The following TMCO4 variants were observed in gnomAD, a reference collection of about 807,000 sequenced individuals.
TMCO4 encodes transmembrane and coiled-coil domain-containing protein 4.
A neutral mutation model predicts 64.7 loss-of-function variants in TMCO4; 58 were observed. The ratio of observed to expected loss-of-function variants is 0.90; its 90% CI spans 0.73 to 1.12. TMCO4 has a LOEUF of 1.12. Among genes scored for constraint, TMCO4 ranks in the 50% most tolerant of loss-of-function variants. TMCO4 has a pLI of 0.00. For synonymous variants in TMCO4, 325 were observed against 346.1 expected, an observed-to-expected ratio of 0.94 and a Z score of 0.68; for missense variants, 780 against 825.9, an observed-to-expected ratio of 0.94 and a Z score of 0.68.
intron 13 of TMCO4, among the ~76,000 whole-genome samples, chr1:19,727,209 C>T (rs181785935): frequency 3.3e-5 from 5 of 152,278 alleles, no homozygotes; most frequent in East Asian, 3.9e-4. Context: ...CAAGTGCTCT[C>T]GGGTTTGGAG....
At chr1:19,727,975 G>C (rs568148824) in intron 13 of TMCO4, among the ~76,000 whole-genome samples, 1 of 152,236 alleles carries the variant, frequency 6.6e-6, no homozygotes, top group South Asian at 2.1e-4. Flanking sequence ...AATACCATAC[G>C]TTCTCATTTA....
At chr1:19,759,497 T>A (rs1194124957) in intron 6 of TMCO4, among the ~76,000 whole-genome samples, 5 of 152,210 alleles carry the variant, frequency 3.3e-5, no homozygotes, top group African/African-American at 4.8e-5. Context: ...TCTGCAAGAC[T>A]GCACATTATC....
chr1:19,705,665 G>A (rs2095299203), intron 13 of TMCO4, among the ~76,000 whole-genome samples: 1 of 152,008 alleles, frequency 6.6e-6, no homozygotes, highest in Non-Finnish European at 1.5e-5. Context: ...CCCACCCAAG[G>A]TAGATATGGA....
At chr1:19,737,981 T>C (rs747650747) in intron 12 of TMCO4, among the ~76,000 whole-genome samples, 2 of 152,102 alleles carry the variant, frequency 1.3e-5, no homozygotes, top group African/African-American at 2.4e-5. Context: ...TAAGATAAGG[T>C]AGTAAGTCAG....
intron 15 of TMCO4, among the ~76,000 whole-genome samples, chr1:19,684,167 C>T (rs1372594569): frequency 1.4e-5 from 2 of 147,492 alleles, no homozygotes; most frequent in Admixed American, 1.4e-4. Flanking sequence ...GGTTCTCTCT[C>T]TCTCGTCCAG....
chr1:19,797,700 A>G (rs1330123964), intron 2 of TMCO4, among the ~76,000 whole-genome samples: 1 of 151,950 alleles, frequency 6.6e-6, no homozygotes, highest in Non-Finnish European at 1.5e-5. Flanking sequence ...CCCCATCTCT[A>G]CTAAAATACA....
intron 15 of TMCO4, among the ~76,000 whole-genome samples, chr1:19,685,331 A>AAAAC (rs10638588): frequency 0.8 from 121,038 of 151,466 alleles, 48,816 homozygotes; most frequent in African/African-American, 0.87. Context: ...GTCTCCAGAA[A>AAAAC]AAACAAACAG....
chr1:19,708,161 A>G (rs1186531615), intron 13 of TMCO4, among the ~76,000 whole-genome samples: 2 of 152,262 alleles, frequency 1.3e-5, no homozygotes, highest in African/African-American at 2.4e-5. Flanking sequence ...AGGGAAGCCT[A>G]CGATGGTACT....
chr1:19,715,042 G>T (rs1210696075), intron 13 of TMCO4, among the ~76,000 whole-genome samples: 1 of 152,054 alleles, frequency 6.6e-6, no homozygotes, highest in East Asian at 1.9e-4. Context: ...AGGAGCATGA[G>T]ACCAGCCTGG....
intron 4 of TMCO4, among the ~76,000 whole-genome samples, chr1:19,775,383 G>A (rs1245446553): frequency 6.6e-6 from 1 of 152,154 alleles, no homozygotes; most frequent in African/African-American, 2.4e-5. Context: ...GGCCAGGACT[G>A]CTGGTTAAAT....
rs928761639 is a variant in TMCO4 at position 19,788,864 on chromosome 1, A to G, written c.-100-1747T>C. ...GCCGAGGCAGGTGGATCAGGAGGTCAGGAGATCAAGACCATCCTGGCTAAC... is the reference window on the plus strand; with the variant it reads ...GCCGAGGCAGGTGGATCAGGAGGTCGGGAGATCAAGACCATCCTGGCTAAC... On this transcript the variant is annotated intron_variant, in intron 2 of 15. Transcript: ENST00000294543. Among the ~76,000 whole-genome samples the G allele has an allele frequency of 1.3e-5, 2 of 151,762 alleles. 1 individual carries two copies. Among genetic ancestry groups the G allele is most frequent in the African/African-American group, 4.8e-5 (2 of 41,318 alleles).
chr1:19,763,522 T>C (rs908474293), intron 6 of TMCO4, among the ~76,000 whole-genome samples: 1 of 152,182 alleles, frequency 6.6e-6, no homozygotes, highest in African/African-American at 2.4e-5. Context: ...TCCTCCTTCC[T>C]GTACCTGTTA....
intron 13 of TMCO4, among the ~76,000 whole-genome samples, chr1:19,709,286 CGGG>C (rs59600503): frequency 0.015 from 1,891 of 125,904 alleles, 36 homozygotes; most frequent in African/African-American, 0.052. Flanking sequence ...AACATCCCGG[CGGG>C]GGGGGGGGAC....
At chr1:19,699,610 G>A (rs1303220475) in intron 14 of TMCO4, among the ~76,000 whole-genome samples, 2 of 151,898 alleles carry the variant, frequency 1.3e-5, no homozygotes, top group African/African-American at 4.8e-5. Flanking sequence ...CTGGAGTACA[G>A]TGGTGCGATC....
intron 15 of TMCO4, among the ~76,000 whole-genome samples, chr1:19,694,028 G>T (rs560961240): frequency 3.9e-5 from 6 of 152,204 alleles, no homozygotes; most frequent in African/African-American, 1.4e-4. Context: ...TAGAGACAGG[G>T]TTGTGCTCTG....
chr1:19,767,213 T>C (rs2042775397), intron 6 of TMCO4, among the ~76,000 whole-genome samples: 1 of 152,206 alleles, frequency 6.6e-6, no homozygotes, highest in African/African-American at 2.4e-5. Context: ...ACTTCACTTC[T>C]ATGGGCCTCG....
chr1:19,736,125 G>T (rs1026173047), intron 13 of TMCO4, among the ~76,000 whole-genome samples: 2 of 152,174 alleles, frequency 1.3e-5, no homozygotes, highest in African/African-American at 4.8e-5. Flanking sequence ...TGCTGCTTTT[G>T]GCCACCGTGT....
chr1:19,771,173 CATGAT>C (rs778672428), intron 5 of TMCO4, 130 bp downstream of exon 5: 1 of 944,708 alleles, frequency 1.1e-6, no homozygotes, highest in South Asian at 1.6e-5. Flanking sequence ...CAGCTATGAT[CATGAT>C]ATGATATTAT....
chr1:19,754,002 T>A (rs1229920572), intron 7 of TMCO4, among the ~76,000 whole-genome samples: 1 of 152,164 alleles, frequency 6.6e-6, no homozygotes, highest in Non-Finnish European at 1.5e-5. Flanking sequence ...ACACTTCACA[T>A]ATATATGAAC....
Sources: gnomAD v4.1 joint callset for allele counts (sites outside exome capture counted in the v4.1 genomes callset) on GRCh38, gnomAD v4.1.1 for gene constraint, MANE v1.5 for transcripts, NCBI Gene and HGNC (gene_info 2026-07-23, HGNC 2026-07-21) for gene names.